The following PCDH15 variants were observed in gnomAD, a reference collection of about 807,000 sequenced individuals.
The protein encoded by PCDH15 is protocadherin-15.
PCDH15 carries 129 observed loss-of-function variants against 178.5 expected under a neutral mutation model. The observed-to-expected ratio is 0.72, with a 90% CI of 0.63 to 0.84. The LOEUF (loss-of-function observed/expected upper bound fraction) is 0.84, where lower values mean the gene tolerates loss of function less well. PCDH15 is among the 40% of genes least tolerant of loss of function. The pLI is 0.00. For missense variants in PCDH15, 2,230 were observed against 2,099.9 expected, an observed-to-expected ratio of 1.06 and a Z score of -1.21; for synonymous variants, 800 against 732.0, an observed-to-expected ratio of 1.09 and a Z score of -1.50.
chr10:54,141,815 GTTAC>G (rs1431236550), intron 14 of PCDH15, among the ~76,000 whole-genome samples: 3 of 152,164 alleles, frequency 2.0e-5, no homozygotes, highest in Admixed American at 1.3e-4. Context: ...TGGTGTGAAA[GTTAC>G]TTAATCAGTT....
chr10:53,922,489 G>A (rs754206777), intron 25 of PCDH15, among the ~76,000 whole-genome samples: 1 of 152,060 alleles, frequency 6.6e-6, no homozygotes, highest in Non-Finnish European at 1.5e-5. Context: ...TGGAATTCAG[G>A]CCTGTCTGAT....
At chr10:53,925,307 C>A (rs535740029) in intron 25 of PCDH15, among the ~76,000 whole-genome samples, 1 of 151,906 alleles carries the variant, frequency 6.6e-6, no homozygotes, top group Admixed American at 6.6e-5. Flanking sequence ...ACGAATAACC[C>A]CAGACATGCC....
intron 1 of PCDH15, among the ~76,000 whole-genome samples, chr10:54,682,645 T>A (rs941647052): frequency 2.0e-5 from 3 of 152,168 alleles, no homozygotes; most frequent in Admixed American, 1.3e-4. Context: ...ATCTGAAATT[T>A]AAGGATGCTG....
At chr10:55,139,666 C>T (rs1450237379) in intron 2 of PCDH15, among the ~76,000 whole-genome samples, 1 of 151,834 alleles carries the variant, frequency 6.6e-6, no homozygotes, top group Non-Finnish European at 1.5e-5. Context: ...ATTTTTGTGC[C>T]AATCCCACAT....
chr10:54,198,514 T>TTTTTTTA (rs1478211192), intron 10 of PCDH15, among the ~76,000 whole-genome samples: 1 of 36,910 alleles, frequency 2.7e-5, no homozygotes, highest in Non-Finnish European at 4.2e-5. Context: ...TTTTTTTTTT[T>TTTTTTTA]TTTTTGAGAC....
intron 15 of PCDH15, among the ~76,000 whole-genome samples, chr10:54,096,785 G>C (rs1386604404): frequency 6.6e-6 from 1 of 152,132 alleles, no homozygotes; most frequent in East Asian, 1.9e-4. Flanking sequence ...TGGGGATTTT[G>C]GCTTCAATAT....
chr10:54,104,044 GA>G (rs1217868438), intron 15 of PCDH15, among the ~76,000 whole-genome samples: 2 of 152,164 alleles, frequency 1.3e-5, no homozygotes, highest in African/African-American at 4.8e-5. Context: ...TATAGATTCA[GA>G]AGCAAACAGG....
chr10:54,170,617 C>G (rs1044555927), intron 13 of PCDH15, among the ~76,000 whole-genome samples: 23 of 151,488 alleles, frequency 1.5e-4, no homozygotes, highest in Non-Finnish European at 2.6e-4. Context: ...ATCCGGCCTC[C>G]CACATTATTC....
Position 55,520,029 on chromosome 10 carries a change from A to G in PCDH15, c.-156+107596T>C, listed in dbSNP as rs147337150. 3.0e-3 allele frequency among the ~76,000 whole-genome samples: 437 copies of G among 147,052 alleles called. 6 individuals carry two copies. The highest frequency in any genetic ancestry group is 0.01 in the African/African-American group (415 of 40,496). On this transcript the variant is annotated intron_variant, in intron 2 of 5. Coordinates refer to the PCDH15 transcript ENST00000613346. Reference sequence around the variant, plus strand: ...AATGACATGTTTATAAGGCATATATATATGCCATATATATACATATATATA... The same window carrying G: ...AATGACATGTTTATAAGGCATATATGTATGCCATATATATACATATATATA...
chr10:54,750,500 G>T (rs1462228054), intron 1 of PCDH15, among the ~76,000 whole-genome samples: 2 of 152,070 alleles, frequency 1.3e-5, no homozygotes, highest in East Asian at 3.9e-4. Flanking sequence ...AAATCATAAA[G>T]AATTTAACTT....
intron 8 of PCDH15, among the ~76,000 whole-genome samples, chr10:54,294,421 A>G (rs1349701776): frequency 6.6e-6 from 1 of 152,206 alleles, no homozygotes; most frequent in African/African-American, 2.4e-5. Flanking sequence ...TATGTATTCA[A>G]TCTGCACGTT....
At position 53,805,017 on chromosome 10, in the gene PCDH15, T is replaced by G. The variant is rs1374868696; in HGVS notation, c.*1562A>C. ...AAGGTAGATGAGATGTTACTGTATT[T>G]GATCTCAAATATTTTCTTGGAAATC... On this transcript the variant is annotated 3_prime_UTR_variant, in exon 38 of 38. Coordinates refer to ENST00000644397, the MANE Select transcript of PCDH15 (RefSeq NM_001384140.1). 6.6e-6 allele frequency: 1 copy of G among 152,020 alleles called. No homozygotes were observed. Among genetic ancestry groups the G allele is most frequent in the African/African-American group, 2.4e-5 (1 of 41,438 alleles). The allele number at this position is 152,020 out of a possible 1,614,324, so 9.4% of individuals were successfully genotyped here. A position where few individuals can be genotyped will look rare whatever the true frequency, so the allele number is the denominator to read the frequency against.
chr10:54,781,650 T>C (rs1182181939), intron 1 of PCDH15, among the ~76,000 whole-genome samples: 1 of 152,172 alleles, frequency 6.6e-6, no homozygotes, highest in African/African-American at 2.4e-5. Context: ...GAAAAAGGTT[T>C]TGAATAAAAA....
intron 2 of PCDH15, among the ~76,000 whole-genome samples, chr10:54,578,365 A>G (rs1161664065): frequency 6.6e-6 from 1 of 152,100 alleles, no homozygotes; most frequent in Non-Finnish European, 1.5e-5. Flanking sequence ...ACATTGTGAC[A>G]TTTGGAAAAA....
In PCDH15 at chr10:54,695,631, G is replaced by A. The variant is rs544319136; in HGVS notation, c.-28-31341C>T. On this transcript the variant is annotated intron_variant, in intron 1 of 37. Transcript: ENST00000644397. ...AGAGAAGTCAATGCCTGGCTTCAAA[G>A]CATCAAAGTACAGGCTGACTATCTT... Among the ~76,000 whole-genome samples, 150 of 152,200 alleles carry A rather than the reference G, an allele frequency of 9.9e-4. 1 individual carries two copies. The highest frequency in any genetic ancestry group is 3.5e-3 in the African/African-American group (144 of 41,550).
chr10:54,226,862 G>T (rs2134256332), intron 9 of PCDH15, among the ~76,000 whole-genome samples: 1 of 152,272 alleles, frequency 6.6e-6, no homozygotes. Flanking sequence ...CCAAAATCCA[G>T]CAGGAAAGTC....
chr10:55,492,254 A>G (rs1840435358), intron 2 of PCDH15, among the ~76,000 whole-genome samples: 1 of 151,762 alleles, frequency 6.6e-6, no homozygotes, highest in East Asian at 2.0e-4. Flanking sequence ...ATTATCTCTC[A>G]GAGCTGTAAA....
Position 55,326,816 on chromosome 10 carries a change from G to C in PCDH15, c.-155-160165C>G, listed in dbSNP as rs1844042641. 2.0e-5 allele frequency among the ~76,000 whole-genome samples: 3 copies of C among 151,954 alleles called. No homozygotes were observed. The South Asian group carries it at 6.2e-4, about 31-fold the overall frequency. ...AAGGATTACGAAGAGATAATGAAAAGTAAATTCCAGATATTCTCAAAGATA... is the reference window on the plus strand; with the variant it reads ...AAGGATTACGAAGAGATAATGAAAACTAAATTCCAGATATTCTCAAAGATA... On this transcript the variant is annotated intron_variant, in intron 2 of 5. Transcript: ENST00000613346.
chr10:55,344,581 G>A (rs372900078), intron 2 of PCDH15, among the ~76,000 whole-genome samples: 32 of 152,154 alleles, frequency 2.1e-4, no homozygotes, highest in African/African-American at 2.2e-4. Context: ...GTTGGTCCAC[G>A]CAACTAGTAG....
Sources: gnomAD v4.1 joint callset for allele counts (sites outside exome capture counted in the v4.1 genomes callset) on GRCh38, gnomAD v4.1.1 for gene constraint, MANE v1.5 for transcripts, NCBI Gene and HGNC (gene_info 2026-07-23, HGNC 2026-07-21) for gene names.